The following RSRC1 variants were observed in gnomAD, a reference collection of about 807,000 sequenced individuals.
RSRC1 encodes the protein serine/Arginine-related protein 53.
Under a neutral mutation model 49.1 loss-of-function variants are expected in RSRC1, and 39 were observed. That is an observed-to-expected ratio of 0.79 (90% CI 0.61 to 1.04). The LOEUF (loss-of-function observed/expected upper bound fraction) is 1.04, where lower values mean the gene tolerates loss of function less well. Ranked by LOEUF, RSRC1 falls within the 50% of genes least tolerant of loss-of-function variation. The pLI is 0.00. For synonymous variants in RSRC1, 143 were observed against 130.8 expected (o/e 1.09, Z -0.63); for missense variants, 388 against 402.4 (o/e 0.96, Z 0.31).
chr3:158,499,063 G>T (rs971070118), intron 7 of RSRC1, among the ~76,000 whole-genome samples: 2 of 151,998 alleles, frequency 1.3e-5, no homozygotes, highest in Admixed American at 1.3e-4. Flanking sequence ...GCTCATTTTT[G>T]GTTCCATATG....
At chr3:158,395,917 A>G (rs558250605) in intron 6 of RSRC1, among the ~76,000 whole-genome samples, 2 of 152,284 alleles carry the variant, frequency 1.3e-5, no homozygotes, top group South Asian at 4.1e-4. Flanking sequence ...CACACACTCA[A>G]AGACATGGAA....
At chr3:158,483,504 G>A (rs1027222761) in intron 7 of RSRC1, among the ~76,000 whole-genome samples, 14 of 152,020 alleles carry the variant, frequency 9.2e-5, no homozygotes, top group African/African-American at 2.4e-4. Flanking sequence ...CATGTGAAAT[G>A]AGCTGAAAAG....
intron 1 of RSRC1, among the ~76,000 whole-genome samples, chr3:158,119,832 C>T (rs866149962): frequency 1.6e-4 from 21 of 129,040 alleles, no homozygotes; most frequent in South Asian, 2.5e-4. Context: ...ATTTCATAGT[C>T]TTTTTTTTTT....
At position 158,228,985 on chromosome 3, in the gene RSRC1, C is replaced by CACACATACGTGTATATGTGTGTATAA. The variant is rs1559952092; in HGVS notation, c.494+25746_494+25771dup. Among the ~76,000 whole-genome samples the CACACATACGTGTATATGTGTGTATAA allele has an allele frequency of 1.2e-3, 108 of 91,492 alleles. 41 individuals carry two copies. The highest frequency in any genetic ancestry group is 3.9e-3 in the African/African-American group (74 of 18,776). The allele number at this position is 91,492 out of a possible 152,430, so 60.0% of individuals were successfully genotyped here. A position where few individuals can be genotyped will look rare whatever the true frequency, so the allele number is the denominator to read the frequency against. Reference sequence around the variant, plus strand: ...ACATACGTGTATATGTGTGTATAAACACACATACGTGTATATGTGTGTATA... The same window carrying CACACATACGTGTATATGTGTGTATAA: ...ACATACGTGTATATGTGTGTATAAACACACATACGTGTATATGTGTGTATAAACACATACGTGTATATGTGTGTATA... On this transcript the variant is annotated intron_variant, in intron 4 of 9. Coordinates refer to ENST00000611884, the MANE Select transcript of RSRC1 (RefSeq NM_001271838.2).
rs1040773614 is a variant in RSRC1 at position 158,439,762 on chromosome 3, A to G, written c.584-21173A>G. Among the ~76,000 whole-genome samples, 5 of 152,156 alleles carry G rather than the reference A, an allele frequency of 3.3e-5. No individual in the cohort carries two copies. In the East Asian group the frequency reaches 9.6e-4, roughly 29 times the overall value. Reference sequence around the variant, plus strand: ...AAACCAACATGGCACATGTATACCTATGTAACAAACCTGCACGTTGTGCAC... The same window carrying G: ...AAACCAACATGGCACATGTATACCTGTGTAACAAACCTGCACGTTGTGCAC... On this transcript the variant is annotated intron_variant, in intron 6 of 9. Transcript: ENST00000611884.
intron 5 of RSRC1, among the ~76,000 whole-genome samples, chr3:158,328,731 C>T (rs1454992445): frequency 6.6e-6 from 1 of 152,164 alleles, no homozygotes; most frequent in East Asian, 1.9e-4. Context: ...ATGCTCTTCT[C>T]GAGGAGTATC....
At chr3:158,147,014 T>C (rs1717173507) in intron 3 of RSRC1, among the ~76,000 whole-genome samples, 1 of 151,426 alleles carries the variant, frequency 6.6e-6, no homozygotes, top group African/African-American at 2.4e-5. Flanking sequence ...TCCCCATGGC[T>C]GCTTGTGCTG....
chr3:158,518,995 A>C (rs982401740), intron 7 of RSRC1, among the ~76,000 whole-genome samples: 15 of 152,136 alleles, frequency 9.9e-5, no homozygotes, highest in African/African-American at 3.6e-4. Context: ...CTCTCTTCCG[A>C]ACTCCAGACT....
chr3:158,289,547 G>A (rs546782050), intron 4 of RSRC1, among the ~76,000 whole-genome samples: 32 of 152,204 alleles, frequency 2.1e-4, no homozygotes, highest in Admixed American at 7.8e-4. Context: ...ATTTATTACC[G>A]ATAATAATCA....
At chr3:158,369,250 CTTTT>C (rs1216178109) in intron 6 of RSRC1, among the ~76,000 whole-genome samples, 1 of 151,872 alleles carries the variant, frequency 6.6e-6, no homozygotes, top group Admixed American at 6.6e-5. Context: ...TTTATTTAAT[CTTTT>C]TTTATTATAA....
At chr3:158,218,357 C>T (rs1203405824) in intron 4 of RSRC1, among the ~76,000 whole-genome samples, 2 of 151,512 alleles carry the variant, frequency 1.3e-5, no homozygotes, top group African/African-American at 4.8e-5. Flanking sequence ...AGGGATTTGG[C>T]ATTGGAGATG....
intron 5 of RSRC1, among the ~76,000 whole-genome samples, chr3:158,335,062 C>T (rs1667436898): frequency 6.6e-6 from 1 of 152,036 alleles, no homozygotes; most frequent in South Asian, 2.1e-4. Flanking sequence ...GCCTTAACTT[C>T]TGTTAAAAGT....
rs141739160 is a variant in RSRC1, at chr3:158,123,954, A to G, written c.283A>G (p.Arg95Gly). 862 of 1,612,260 alleles carry G rather than the reference A, an allele frequency of 5.3e-4. 5 individuals carry two copies. The highest frequency in any genetic ancestry group is 4.7e-4 in the Non-Finnish European group (549 of 1,178,932). The change falls in exon 3 of 10, where the codon AGA becomes GGA. Residue 95 changes from arginine (R) to glycine (G), a missense_variant. Transcript: ENST00000611884. ...SRSRGRGKSYRVQRSRSKSRT... is the reference protein window; with the variant it reads ...SRSRGRGKSYGVQRSRSKSRT... ...TTCAAGGGGTCGAGGGAAATCCTAT[A>G]GAGTTCAGAGGTCTAGGTCAAAAAG... is the stretch of plus-strand genomic sequence containing the variant.
At chr3:158,398,866 GAGA>G (rs1304523196) in intron 6 of RSRC1, among the ~76,000 whole-genome samples, 7 of 152,226 alleles carry the variant, frequency 4.6e-5, no homozygotes, top group Admixed American at 4.6e-4. Flanking sequence ...TGTCTTGACA[GAGA>G]AGGAGTCTGT....
At chr3:158,483,911 A>G (rs1738715151) in intron 7 of RSRC1, among the ~76,000 whole-genome samples, 2 of 152,088 alleles carry the variant, frequency 1.3e-5, no homozygotes, top group Non-Finnish European at 2.9e-5. Flanking sequence ...CAGCATGAGT[A>G]GATTTAATTA....
intron 7 of RSRC1, among the ~76,000 whole-genome samples, chr3:158,473,082 C>T (rs571264855): frequency 6.6e-6 from 1 of 152,228 alleles, no homozygotes; most frequent in African/African-American, 2.4e-5. Flanking sequence ...TAAACTAGTT[C>T]AACCATTGTG....
At chr3:158,125,716 G>A (rs1179222558) in intron 3 of RSRC1, among the ~76,000 whole-genome samples, 1 of 152,124 alleles carries the variant, frequency 6.6e-6, no homozygotes, top group African/African-American at 2.4e-5. Flanking sequence ...GGAGTGTTCT[G>A]TGTATTTATG....
At chr3:158,317,087 A>G (rs765465212) in intron 5 of RSRC1, among the ~76,000 whole-genome samples, 4 of 152,214 alleles carry the variant, frequency 2.6e-5, no homozygotes, top group Non-Finnish European at 5.9e-5. Context: ...TTATGAATAC[A>G]TTAAAAGCAA....
intron 5 of RSRC1, among the ~76,000 whole-genome samples, chr3:158,304,920 A>G (rs1312601233): frequency 6.6e-6 from 1 of 152,176 alleles, no homozygotes; most frequent in Non-Finnish European, 1.5e-5. Flanking sequence ...TTTAATGTGG[A>G]TAAAATGTTA....
Sources: allele counts gnomAD v4.1 joint callset (sites outside exome capture counted in the v4.1 genomes callset), GRCh38; gene constraint gnomAD v4.1.1; transcripts MANE v1.5; gene names NCBI Gene and HGNC (gene_info 2026-07-23, HGNC 2026-07-21).